PCMTD2: variants seen among roughly 807,000 people sequenced by gnomAD.
PCMTD2 encodes the protein protein-L-isoaspartate O-methyltransferase domain-containing protein 2.
In PCMTD2, 16 loss-of-function variants were observed where a neutral mutation model predicts 33.4. The ratio of observed to expected loss-of-function variants is 0.48; its 90% CI spans 0.32 to 0.73. The LOEUF (loss-of-function observed/expected upper bound fraction) is 0.73. PCMTD2 is among the 30% of genes least tolerant of loss of function. The pLI, the probability that PCMTD2 is intolerant of heterozygous loss-of-function variation, is 0.03. For missense variants in PCMTD2, 374 were observed against 449.9 expected (o/e 0.83, Z 1.53); for synonymous variants, 161 against 160.8 (o/e 1.00, Z -0.01).
chr20:64,272,264 C>T (rs1985942803), intron 5 of PCMTD2: 1 of 344,454 alleles, frequency 2.9e-6, no homozygotes, highest in African/African-American at 2.6e-5. Flanking sequence ...AAGAGCTCTC[C>T]CTATAGTGCA....
intron 2 of PCMTD2, chr20:64,262,503 A>G (rs1985464887): frequency 6.6e-6 from 1 of 152,366 alleles, no homozygotes; most frequent in Non-Finnish European, 1.5e-5. Context: ...GCTGTCATGG[A>G]TGCGTGTCTT....
At chr20:64,272,358 A>T (rs1170248219) in intron 5 of PCMTD2, 2 of 292,112 alleles carry the variant, frequency 6.8e-6, no homozygotes, top group Non-Finnish European at 7.3e-6. Context: ...CCTTTGAGAA[A>T]TGTTGCCTGC....
chr20:64,260,104 A>G lies in PCMTD2; in HGVS notation c.139A>G (p.Lys47Glu), dbSNP rs1428579981. The G allele has an allele frequency of 6.2e-7, 1 of 1,613,454 alleles. No homozygotes were observed. Among genetic ancestry groups the G allele is most frequent in the Non-Finnish European group, 8.5e-7 (1 of 1,179,348 alleles). Residue 47 changes from lysine to glutamate, a missense_variant, in exon 2 of 6, where the codon AAA becomes GAA. Transcript: ENST00000308824. ...TGCAGACTATTATCTTGAAGAATTT[A>G]AAGAAAATGCTTATAAAGACTTGGC... ...DRADYYLEEF[K>E]ENAYKDLAWK...
chr20:64,265,918 G>T (rs746645908), intron 4 of PCMTD2, among the ~76,000 whole-genome samples: 1 of 152,126 alleles, frequency 6.6e-6, no homozygotes, highest in Non-Finnish European at 1.5e-5. Context: ...GTTTGGTCAT[G>T]CTTGTTTGTC....
chr20:64,256,201 G>T (rs1985158853), intron 1 of PCMTD2, among the ~76,000 whole-genome samples: 1 of 152,224 alleles, frequency 6.6e-6, no homozygotes, highest in Admixed American at 6.5e-5. Flanking sequence ...TCCAAGGCAA[G>T]CCAAGAGCTA....
At chr20:64,259,797 G>A (rs1417607553) in intron 1 of PCMTD2, 145 bp from the exon 2 acceptor site, 1 of 555,792 alleles carries the variant, frequency 1.8e-6, no homozygotes, top group African/African-American at 1.9e-5. Context: ...ATCTCTGGGT[G>A]GGGCAGGGGA....
rs1490351724 is a variant in PCMTD2, at chr20:64,274,305, T to C, written c.*705T>C. The C allele has an allele frequency of 6.6e-6, 1 of 152,050 alleles. No individual in the cohort carries two copies. The highest frequency in any genetic ancestry group is 1.5e-5 in the Non-Finnish European group (1 of 68,026). The allele number at this position is 152,050 out of a possible 1,614,324, so 9.4% of individuals were successfully genotyped here. A position where few individuals can be genotyped will look rare whatever the true frequency, so the allele number is the denominator to read the frequency against. On this transcript the variant is annotated 3_prime_UTR_variant, in exon 6 of 6. Coordinates refer to ENST00000308824, the MANE Select transcript of PCMTD2 (RefSeq NM_018257.3). The stretch of plus-strand genomic sequence containing the variant: ...CGAGAGAATTCCAAAGAGGGTTTTT[T>C]TTTTTTTTTTTAGGACATCTTTTGA...
Position 64,267,990 on chromosome 20 carries a change from A to G in PCMTD2, c.686A>G (p.Lys229Arg). ...CAGCCCTGCCATTCAGAGTCAGGAA[A>G]ATCAAGACTTGTCCAGTTACGTAAG... ...LIQPCHSESGKSRLVQLPPVA... is the reference protein window; with the variant it reads ...LIQPCHSESGRSRLVQLPPVA... Residue 229 changes from lysine to arginine, a missense_variant, in exon 5 of 6, where the codon AAA becomes AGA. By Grantham distance (26) the Lys-to-Arg change is conservative. Transcript: ENST00000308824. The G allele has an allele frequency of 1.9e-6, 3 of 1,612,990 alleles. No individual in the cohort carries two copies. The highest frequency in any genetic ancestry group is 2.5e-6 in the Non-Finnish European group (3 of 1,179,100).
intron 4 of PCMTD2, chr20:64,265,718 C>T (rs1368151930): frequency 3.1e-6 from 1 of 319,192 alleles, no homozygotes; most frequent in Admixed American, 4.6e-5. Context: ...CCTCTTCCTT[C>T]CCCTTCTCCT....
At chr20:64,260,744 C>A (rs1305882551) in intron 2 of PCMTD2, among the ~76,000 whole-genome samples, 1 of 133,158 alleles carries the variant, frequency 7.5e-6, no homozygotes, top group Admixed American at 8.2e-5. Flanking sequence ...TGTGCCCCAT[C>A]GTCTAGGCTG....
intron 5 of PCMTD2, chr20:64,272,254 A>G (rs199800437): frequency 1.8e-5 from 6 of 340,876 alleles, no homozygotes; most frequent in Non-Finnish European, 3.6e-5. Context: ...TGCACAACAC[A>G]AGAGCTCTCC....
chr20:64,270,062 G>A (rs1985839240), intron 5 of PCMTD2, among the ~76,000 whole-genome samples: 1 of 149,532 alleles, frequency 6.7e-6, no homozygotes, highest in African/African-American at 2.5e-5. Context: ...GTGGGGTCTT[G>A]TGAGTGCGGG....
Position 64,275,443 on chromosome 20 carries a change from C to T in PCMTD2, c.*1843C>T, listed in dbSNP as rs1986068602. The T allele has an allele frequency of 6.6e-6, 1 of 152,062 alleles. No individual in the cohort carries two copies. The highest frequency in any genetic ancestry group is 2.4e-5 in the African/African-American group (1 of 41,422). 9.4% of individuals were successfully genotyped at this position (152,062 alleles called of 1,614,324 possible). ...ATGGACTGCATTTTTAAAAAAACCG[C>T]ATTTGCCTTTATGCTAGATTGTAAA... On this transcript the variant is annotated 3_prime_UTR_variant, in exon 6 of 6. Coordinates refer to ENST00000308824, the MANE Select transcript of PCMTD2 (RefSeq NM_018257.3).
In PCMTD2 at chr20:64,274,475, A is replaced by T. The variant is rs927409795; in HGVS notation, c.*875A>T. Reference sequence around the variant, plus strand: ...TCTTTACCCAGTTTTAAAGCCCATCATGGTATTCTAAGGTGTTGACACCCT... The same window carrying T: ...TCTTTACCCAGTTTTAAAGCCCATCTTGGTATTCTAAGGTGTTGACACCCT... On this transcript the variant is annotated 3_prime_UTR_variant, in exon 6 of 6. Coordinates refer to ENST00000308824, the MANE Select transcript of PCMTD2 (RefSeq NM_018257.3). 1 of 152,200 alleles carries T rather than the reference A, an allele frequency of 6.6e-6. No individual in the cohort carries two copies. The highest frequency in any genetic ancestry group is 2.4e-5 in the African/African-American group (1 of 41,440). 9.4% of individuals were successfully genotyped at this position (152,200 alleles called of 1,614,324 possible).
At chr20:64,256,072 G>C (rs181581536) in intron 1 of PCMTD2, 13 of 152,054 alleles carry the variant, frequency 8.5e-5, no homozygotes, top group African/African-American at 3.1e-4. Context: ...TTCTCTCTCC[G>C]AGCGCTCGCG....
At chr20:64,268,347 A>G (rs1985744815) in intron 5 of PCMTD2, among the ~76,000 whole-genome samples, 1 of 152,240 alleles carries the variant, frequency 6.6e-6, no homozygotes, top group Admixed American at 6.5e-5. Flanking sequence ...AGAAAGAGCC[A>G]TCAGCCAGAG....
In PCMTD2 at chr20:64,273,480, AGAG is replaced by A. The variant is rs767416315; in HGVS notation, c.967_969del (p.Glu323del). The A allele has an allele frequency of 1.1e-5, 18 of 1,611,894 alleles. No individual in the cohort carries two copies. Among genetic ancestry groups the A allele is most frequent in the African/African-American group, 1.3e-5 (1 of 74,634 alleles). ...TGGAAGAGGAACGGAGGGAAGAAGA[AGAG>A]AAGACCCCGCCGGAAACAAAGCCAG... On this transcript the variant is annotated inframe_deletion, in exon 6 of 6. Coordinates refer to ENST00000308824, the MANE Select transcript of PCMTD2 (RefSeq NM_018257.3).
Position 64,268,013 on chromosome 20 carries a change from A to G in PCMTD2, c.706+3A>G. On this transcript the variant is annotated splice_donor_region_variant and intron_variant, in intron 5 of 5. Transcript: ENST00000308824. ...AAAATCAAGACTTGTCCAGTTACGT[A>G]AGTATACCAATCTTTACTTATTTTA... 6.2e-7 allele frequency: 1 copy of G among 1,604,962 alleles called. No individual in the cohort carries two copies. The highest frequency in any genetic ancestry group is 8.5e-7 in the Non-Finnish European group (1 of 1,173,996).
At chr20:64,260,706 G>GTTTTT (rs10585176) in intron 2 of PCMTD2, among the ~76,000 whole-genome samples, 2 of 117,576 alleles carry the variant, frequency 1.7e-5, no homozygotes, top group Non-Finnish European at 3.4e-5. Flanking sequence ...TGTTTTGTTG[G>GTTTTT]TTTTTTTTTT....
Sources: allele counts gnomAD v4.1 joint callset (sites outside exome capture counted in the v4.1 genomes callset), GRCh38; gene constraint gnomAD v4.1.1; transcripts MANE v1.5; gene names NCBI Gene and HGNC (gene_info 2026-07-23, HGNC 2026-07-21).